The following PSD3 variants were observed in gnomAD, a reference collection of about 807,000 sequenced individuals.
PSD3 encodes the protein PH and SEC7 domain-containing protein 3.
A neutral mutation model predicts 105.5 loss-of-function variants in PSD3; 49 were observed. That is an observed-to-expected ratio of 0.46 (90% confidence interval 0.37 to 0.59). PSD3 has a LOEUF of 0.59. Among genes scored for constraint, PSD3 ranks in the 20% least tolerant of loss-of-function variants. The pLI, the probability that PSD3 is intolerant of heterozygous loss-of-function variation, is 0.00. For missense variants in PSD3, 1,561 were observed against 1,263.8 expected (o/e 1.24, Z -3.57); for synonymous variants, 557 against 457.8 (o/e 1.22, Z -2.77).
intron 11 of PSD3, among the ~76,000 whole-genome samples, chr8:18,610,001 C>A (rs974822508): frequency 6.6e-6 from 1 of 152,168 alleles, no homozygotes; most frequent in Non-Finnish European, 1.5e-5. Flanking sequence ...TTTATAGCAG[C>A]GTGGTAGCAC....
intron 15 of PSD3, among the ~76,000 whole-genome samples, chr8:18,544,047 G>A (rs754067570): frequency 6.6e-6 from 1 of 151,922 alleles, no homozygotes; most frequent in African/African-American, 2.4e-5. Flanking sequence ...CTTACATTTC[G>A]TTTTCTCATG....
At chr8:18,554,606 C>A (rs1333986132) in intron 15 of PSD3, among the ~76,000 whole-genome samples, 1 of 152,036 alleles carries the variant, frequency 6.6e-6, no homozygotes, top group Non-Finnish European at 1.5e-5. Flanking sequence ...TATTATAACT[C>A]AGAGACTTTT....
chr8:18,949,239 AAAAAAATATATATAT>A (rs1455921401), intron 1 of PSD3, among the ~76,000 whole-genome samples: 8 of 74,446 alleles, frequency 1.1e-4, no homozygotes, highest in African/African-American at 4.4e-4. Context: ...AAAAAAAAAA[AAAAAAATATATATAT>A]ATATATATAT....
intron 4 of PSD3, among the ~76,000 whole-genome samples, chr8:18,823,678 C>A (rs1008508082): frequency 2.6e-4 from 39 of 152,234 alleles, no homozygotes; most frequent in Middle Eastern, 3.4e-3. Context: ...AGATGTAACT[C>A]TCATTGATAC....
chr8:18,803,793 A>C (rs2129447619), intron 6 of PSD3, among the ~76,000 whole-genome samples: 1 of 152,126 alleles, frequency 6.6e-6, no homozygotes, highest in East Asian at 1.9e-4. Context: ...AGGAAAAAAA[A>C]AGTCATTGTT....
chr8:18,761,823 T>C (rs140037692), intron 9 of PSD3, among the ~76,000 whole-genome samples: 45 of 152,274 alleles, frequency 3.0e-4, no homozygotes, highest in Middle Eastern at 6.8e-3. Context: ...GTGGAGCCAG[T>C]AGAAACATGA....
At chr8:18,573,331 A>T (rs1462442789) in intron 13 of PSD3, among the ~76,000 whole-genome samples, 1 of 152,130 alleles carries the variant, frequency 6.6e-6, no homozygotes, top group Non-Finnish European at 1.5e-5. Flanking sequence ...TTAGCTGGGC[A>T]TGGTGGTGCA....
rs373325534 is a variant in PSD3 at position 18,835,914 on chromosome 8, T to C, written c.1635-31016A>G. ...GGATCGTGTAGGGACTTGGAGGTCATGGTAAAGGCTCTGGCTTTGACTCTG... is the reference window on the plus strand; with the variant it reads ...GGATCGTGTAGGGACTTGGAGGTCACGGTAAAGGCTCTGGCTTTGACTCTG... On this transcript the variant is annotated intron_variant, in intron 4 of 15. Coordinates refer to ENST00000327040, the MANE Select transcript of PSD3 (RefSeq NM_015310.4). 7.7e-4 allele frequency among the ~76,000 whole-genome samples: 117 copies of C among 152,010 alleles called. 2 individuals are homozygous for C. The South Asian group carries it at 0.024, about 31-fold the overall frequency.
intron 1 of PSD3, among the ~76,000 whole-genome samples, chr8:18,998,660 C>T (rs1826212120): frequency 1.3e-5 from 2 of 151,854 alleles, no homozygotes; most frequent in South Asian, 4.2e-4. Flanking sequence ...GCACTCCAGC[C>T]CGAGCAACAG....
chr8:19,074,611 A>ATATATATATATATT lies in PSD3; in HGVS notation c.324+9594_324+9595insAATATATATATATA, dbSNP rs1324257417. On this transcript the variant is annotated intron_variant, in intron 1 of 1. Coordinates refer to the PSD3 transcript ENST00000521475. Reference sequence around the variant, plus strand: ...TATATACATATATATATATATATATATTTTTTTTTTTTTTTTTTTTTTTTT... The same window carrying ATATATATATATATT: ...TATATACATATATATATATATATATATATATATATATATTTTTTTTTTTTTTTTTTTTTTTTTTT... Among the ~76,000 whole-genome samples the ATATATATATATATT allele has an allele frequency of 3.1e-3, 75 of 24,100 alleles. 1 individual carries two copies. Among genetic ancestry groups the ATATATATATATATT allele is most frequent in the Non-Finnish European group, 4.7e-3 (63 of 13,380 alleles). 15.8% of individuals were successfully genotyped at this position (24,100 alleles called of 152,430 possible). A position where few individuals can be genotyped will look rare whatever the true frequency, so the allele number is the denominator to read the frequency against.
chr8:18,539,885 G>C (rs145425135), intron 15 of PSD3, among the ~76,000 whole-genome samples: 4 of 152,270 alleles, frequency 2.6e-5, no homozygotes, highest in East Asian at 1.9e-4. Flanking sequence ...CCAGCTCAGA[G>C]ACTGAAAACA....
chr8:19,074,910 G>A (rs1160515043), intron 1 of PSD3, among the ~76,000 whole-genome samples: 2 of 147,486 alleles, frequency 1.4e-5, no homozygotes, highest in Non-Finnish European at 3.0e-5. Flanking sequence ...GTGAGCCACC[G>A]TGCCCGGCCT....
At chr8:18,904,320 C>T (rs2129461725) in intron 2 of PSD3, among the ~76,000 whole-genome samples, 1 of 152,280 alleles carries the variant, frequency 6.6e-6, no homozygotes, top group Non-Finnish European at 1.5e-5. Context: ...ATTGTACAGC[C>T]ACTGCCAGTG....
At chr8:18,823,608 T>C (rs1388040805) in intron 4 of PSD3, among the ~76,000 whole-genome samples, 4 of 152,178 alleles carry the variant, frequency 2.6e-5, no homozygotes, top group Admixed American at 6.5e-5. Flanking sequence ...ATGACGTTTC[T>C]ACACCTTGTC....
At chr8:18,877,365 CT>C (rs1386881236) in intron 2 of PSD3, among the ~76,000 whole-genome samples, 3 of 152,022 alleles carry the variant, frequency 2.0e-5, no homozygotes, top group Admixed American at 2.0e-4. Flanking sequence ...AGAAATCCAA[CT>C]TCATTATTTT....
intron 9 of PSD3, among the ~76,000 whole-genome samples, chr8:18,747,418 G>C (rs1805117937): frequency 6.6e-6 from 1 of 152,196 alleles, no homozygotes; most frequent in South Asian, 2.1e-4. Context: ...GGACATGACT[G>C]ACATAATAGA....
At chr8:18,957,655 G>C (rs369086494) in intron 1 of PSD3, among the ~76,000 whole-genome samples, 5 of 152,188 alleles carry the variant, frequency 3.3e-5, no homozygotes, top group African/African-American at 9.7e-5. Context: ...TAGGCAGAAC[G>C]GCCTCAGTAC....
At chr8:18,594,021 G>A (rs1308924699) in intron 12 of PSD3, among the ~76,000 whole-genome samples, 11 of 143,622 alleles carry the variant, frequency 7.7e-5, no homozygotes, top group Non-Finnish European at 1.5e-4. Flanking sequence ...CATACCTAAT[G>A]CAAATGACGA....
At chr8:18,858,466 G>A (rs73666738) in intron 4 of PSD3, among the ~76,000 whole-genome samples, 13,597 of 152,184 alleles carry the variant, frequency 0.089, 758 homozygotes, top group African/African-American at 0.16. Flanking sequence ...AGACAAAAAT[G>A]AAGTTTGCTG....
Sources: allele counts gnomAD v4.1 joint callset (sites outside exome capture counted in the v4.1 genomes callset), GRCh38; gene constraint gnomAD v4.1.1; transcripts MANE v1.5; gene names NCBI Gene and HGNC (gene_info 2026-07-23, HGNC 2026-07-21).